Variants in ARMC9 observed in about 807,000 individuals in gnomAD.
The protein encoded by ARMC9 is armadillo repeat containing 9, also known as lisH domain-containing protein ARMC9.
A neutral mutation model predicts 107.0 loss-of-function variants in ARMC9; 94 were observed. That is an observed-to-expected ratio of 0.88 (90% CI 0.74 to 1.04). The LOEUF (loss-of-function observed/expected upper bound fraction) is 1.04. ARMC9 is among the 50% of genes least tolerant of loss of function. The pLI, the probability that ARMC9 is intolerant of heterozygous loss-of-function variation, is 0.00. For synonymous variants in ARMC9, 380 were observed against 396.9 expected, an observed-to-expected ratio of 0.96 and a Z score of 0.51; for missense variants, 942 against 1,030.1, an observed-to-expected ratio of 0.91 and a Z score of 1.17.
intron 18 of ARMC9, among the ~76,000 whole-genome samples, chr2:231,292,115 C>T (rs1191364520): frequency 6.6e-6 from 1 of 151,366 alleles, no homozygotes; most frequent in Admixed American, 6.6e-5. Context: ...TTGTAGTGAG[C>T]CGAGATTGCG....
chr2:231,317,068 GT>G (rs2042734389), intron 19 of ARMC9, among the ~76,000 whole-genome samples: 1 of 152,040 alleles, frequency 6.6e-6, no homozygotes. Flanking sequence ...GTAATGGGTT[GT>G]TTTCCCCTTA....
chr2:231,227,938 C>T (rs1047879904), intron 7 of ARMC9, among the ~76,000 whole-genome samples: 4 of 152,162 alleles, frequency 2.6e-5, no homozygotes, highest in African/African-American at 9.7e-5. Flanking sequence ...GCTACAGATA[C>T]GGCCCCATGG....
chr2:231,369,659 C>A (rs2045940682), intron 23 of ARMC9, among the ~76,000 whole-genome samples: 1 of 150,960 alleles, frequency 6.6e-6, no homozygotes, highest in South Asian at 2.1e-4. Context: ...TGCAACAGTG[C>A]CGTCTTGGCT....
chr2:231,334,730 G>A (rs984079756), intron 20 of ARMC9, among the ~76,000 whole-genome samples: 18 of 152,186 alleles, frequency 1.2e-4, no homozygotes, highest in African/African-American at 3.1e-4. Context: ...ATCCCCCACC[G>A]CCCTGTCACC....
intron 20 of ARMC9, among the ~76,000 whole-genome samples, chr2:231,336,408 A>G (rs994192948): frequency 2.0e-5 from 3 of 152,148 alleles, no homozygotes; most frequent in Non-Finnish European, 4.4e-5. Flanking sequence ...AGGCTGAGAA[A>G]GGCTGAGTCG....
intron 17 of ARMC9, among the ~76,000 whole-genome samples, chr2:231,288,375 A>G (rs573663784): frequency 6.6e-6 from 1 of 152,264 alleles, no homozygotes; most frequent in South Asian, 2.1e-4. Context: ...TCTTTCTTTT[A>G]TGTTGTTTGC....
In ARMC9 at chr2:231,297,602, T is replaced by C. The variant is rs998164376; in HGVS notation, c.1773+1349T>C. Among the ~76,000 whole-genome samples the C allele has an allele frequency of 2.6e-5, 4 of 152,176 alleles. No homozygotes were observed. Among genetic ancestry groups the C allele is most frequent in the African/African-American group, 9.7e-5 (4 of 41,436 alleles). The stretch of plus-strand genomic sequence containing the variant: ...CTAAAAATTTGAATTTCATACAATT[T>C]TTGCATGTCATTAAATATTCTTTCA... On this transcript the variant is annotated intron_variant, in intron 19 of 24. Transcript: ENST00000611582. This position sits in a 1 kb window ranked among gnomAD's most constrained non-coding sequence, Gnocchi z 4.2.
rs143191269 is a variant in ARMC9 at position 231,255,143 on chromosome 2, A to G, written c.880-1443A>G. 1.6e-3 allele frequency among the ~76,000 whole-genome samples: 250 copies of G among 151,840 alleles called. No homozygotes were observed. The highest frequency in any genetic ancestry group is 5.8e-3 in the African/African-American group (240 of 41,368). ...CTTATATGTTTCTCAGATGTATTTT[A>G]GTACATAATACAGCACTACCTGTAG... On this transcript the variant is annotated intron_variant, in intron 9 of 24. Coordinates refer to ENST00000611582, the MANE Select transcript of ARMC9 (RefSeq NM_001352754.2). This position sits in a 1 kb window ranked among gnomAD's most constrained non-coding sequence, Gnocchi z 4.7.
chr2:231,332,389 C>T (rs2043801129), intron 20 of ARMC9, among the ~76,000 whole-genome samples: 1 of 151,992 alleles, frequency 6.6e-6, no homozygotes, highest in South Asian at 2.1e-4. Flanking sequence ...GGAGAGGACC[C>T]GAGAAGGCCA....
intron 2 of ARMC9, among the ~76,000 whole-genome samples, chr2:231,206,950 G>C (rs1418691096): frequency 6.6e-6 from 1 of 152,228 alleles, no homozygotes; most frequent in Non-Finnish European, 1.5e-5. Context: ...CCGTGCAACT[G>C]CAGATTTGGA....
chr2:231,270,887 A>G, intron 12 of ARMC9, 95 bp from the exon 13 acceptor site: 1 of 985,968 alleles, frequency 1.0e-6, no homozygotes, highest in South Asian at 1.4e-5. Context: ...TAATAAATTC[A>G]GGCAGAGGAA....
At chr2:231,363,972 T>C (rs1199778105) in intron 23 of ARMC9, among the ~76,000 whole-genome samples, 1 of 152,022 alleles carries the variant, frequency 6.6e-6, no homozygotes, top group African/African-American at 2.4e-5. Context: ...TCCTTTTCCT[T>C]TGTCAGCTTC....
At chr2:231,265,300 A>G (rs1331894510) in intron 12 of ARMC9, among the ~76,000 whole-genome samples, 3 of 152,310 alleles carry the variant, frequency 2.0e-5, no homozygotes, top group South Asian at 2.1e-4. Flanking sequence ...AGACACATGC[A>G]CACACACGTT....
chr2:231,235,631 A>C (rs927456846), intron 8 of ARMC9, among the ~76,000 whole-genome samples: 1 of 151,812 alleles, frequency 6.6e-6, no homozygotes, highest in East Asian at 1.9e-4. Flanking sequence ...TTATTTCTCT[A>C]CTTTATTCTT....
At chr2:231,223,526 A>G (rs1234872824) in intron 6 of ARMC9, among the ~76,000 whole-genome samples, 1 of 152,262 alleles carries the variant, frequency 6.6e-6, no homozygotes, top group East Asian at 1.9e-4. Context: ...AAATGTATCC[A>G]AAGTTATTTC....
intron 9 of ARMC9, 48 bp downstream of exon 9, chr2:231,240,089 A>T (rs1174316411): frequency 4.9e-6 from 7 of 1,431,668 alleles, no homozygotes; most frequent in Non-Finnish European, 6.8e-6. Context: ...ATCCCCCCAA[A>T]TTTAAAAAGA....
chr2:231,344,028 G>A (rs1200079098), intron 20 of ARMC9, among the ~76,000 whole-genome samples: 2 of 152,030 alleles, frequency 1.3e-5, no homozygotes, highest in African/African-American at 4.8e-5. Context: ...TATATATCAA[G>A]TGAATATGCC....
chr2:231,239,139 G>A (rs957007656), intron 8 of ARMC9, among the ~76,000 whole-genome samples: 2 of 152,176 alleles, frequency 1.3e-5, no homozygotes, highest in African/African-American at 4.8e-5. Context: ...TTATCCGCAG[G>A]GATTGGTTTG....
chr2:231,240,829 A>T (rs1205584194), intron 9 of ARMC9, among the ~76,000 whole-genome samples: 1 of 152,176 alleles, frequency 6.6e-6, no homozygotes, highest in Non-Finnish European at 1.5e-5. Flanking sequence ...TCTAATCTTG[A>T]ACATTTCCTC....
Sources: gnomAD v4.1 joint callset for allele counts (sites outside exome capture counted in the v4.1 genomes callset) on GRCh38, gnomAD v4.1.1 for gene constraint, Gnocchi (gnomAD v3.1) non-coding constraint, MANE v1.5 for transcripts, NCBI Gene and HGNC (gene_info 2026-07-23, HGNC 2026-07-21) for gene names.